The following BABAM2 variants were observed in gnomAD, a reference collection of about 807,000 sequenced individuals.
BABAM2 encodes BRISC and BRCA1 A complex member 2.
BABAM2 carries 31 observed loss-of-function variants against 54.7 expected under a neutral mutation model. The ratio of observed to expected loss-of-function variants is 0.57; its 90% CI spans 0.43 to 0.77. The LOEUF is 0.77. BABAM2 is among the 30% of genes least tolerant of loss of function. The probability of loss-of-function intolerance (pLI) is 0.00; values close to 1 mark genes in which losing one functional copy is unlikely to be tolerated. For synonymous variants in BABAM2, 167 were observed against 162.9 expected, an observed-to-expected ratio of 1.03 and a Z score of -0.19; for missense variants, 364 against 455.8, an observed-to-expected ratio of 0.80 and a Z score of 1.83.
At chr2:28,313,782 AAC>A (rs1392808675) in intron 11 of BABAM2, among the ~76,000 whole-genome samples, 1 of 152,228 alleles carries the variant, frequency 6.6e-6, no homozygotes, top group Admixed American at 6.5e-5. Flanking sequence ...ACTGAAGACT[AAC>A]ACACACACAT....
intron 2 of BABAM2, among the ~76,000 whole-genome samples, chr2:27,908,155 G>T (rs1403383283): frequency 1.3e-5 from 2 of 152,184 alleles, no homozygotes; most frequent in Non-Finnish European, 2.9e-5. Context: ...GGATACATAT[G>T]CAAGTTTGTT....
chr2:28,220,999 G>A (rs759930251), intron 7 of BABAM2, among the ~76,000 whole-genome samples: 2 of 152,104 alleles, frequency 1.3e-5, no homozygotes, highest in Admixed American at 6.6e-5. Context: ...AGATGATCTC[G>A]TCGATTCCCA....
At chr2:28,248,397 C>T (rs997997815) in intron 10 of BABAM2, among the ~76,000 whole-genome samples, 16 of 151,550 alleles carry the variant, frequency 1.1e-4, no homozygotes, top group Middle Eastern at 3.4e-3. Flanking sequence ...TTAGTAGAAA[C>T]GGAGTTTCTC....
chr2:28,290,701 T>G (rs2148221268), intron 10 of BABAM2, among the ~76,000 whole-genome samples: 1 of 152,312 alleles, frequency 6.6e-6, no homozygotes, highest in South Asian at 2.1e-4. Context: ...TTGAGGTGCA[T>G]TTTCAGAAAT....
intron 7 of BABAM2, among the ~76,000 whole-genome samples, chr2:28,189,560 C>T (rs900578571): frequency 3.3e-5 from 5 of 151,982 alleles, no homozygotes; most frequent in Admixed American, 6.6e-5. Flanking sequence ...ATATGAAGTA[C>T]TCAGTTATAC....
intron 10 of BABAM2, among the ~76,000 whole-genome samples, chr2:28,283,980 G>A (rs996094303): frequency 2.0e-5 from 3 of 152,178 alleles, no homozygotes; most frequent in East Asian, 1.9e-4. Flanking sequence ...GCTTTTCTTC[G>A]GATTAACAAT....
intron 7 of BABAM2, among the ~76,000 whole-genome samples, chr2:28,141,527 C>T (rs1671056368): frequency 6.6e-6 from 1 of 152,126 alleles, no homozygotes. Context: ...TTCATGAAGA[C>T]CTCTCCTACT....
chr2:28,210,353 C>G (rs1480390849), intron 7 of BABAM2, among the ~76,000 whole-genome samples: 1 of 152,164 alleles, frequency 6.6e-6, no homozygotes, highest in African/African-American at 2.4e-5. Flanking sequence ...ATATGAAGTG[C>G]TAAATTATGC....
intron 6 of BABAM2, among the ~76,000 whole-genome samples, chr2:28,100,414 C>T (rs1182373626): frequency 2.2e-5 from 3 of 139,506 alleles, no homozygotes; most frequent in African/African-American, 5.5e-5. Flanking sequence ...GAGACGAGAC[C>T]GTGCCACTGC....
chr2:28,236,937 G>T (rs1477748382), intron 7 of BABAM2, among the ~76,000 whole-genome samples: 2 of 152,154 alleles, frequency 1.3e-5, no homozygotes, highest in East Asian at 3.8e-4. Context: ...ATTAATGTTG[G>T]TAAGACATTT....
chr2:27,903,972 CG>C (rs1273088781), intron 2 of BABAM2, among the ~76,000 whole-genome samples: 1 of 152,004 alleles, frequency 6.6e-6, no homozygotes, highest in Non-Finnish European at 1.5e-5. Flanking sequence ...TGTGCTTTCC[CG>C]AAGCACTTTA....
chr2:27,944,921 A>G (rs1377143479), intron 3 of BABAM2, among the ~76,000 whole-genome samples: 2 of 151,854 alleles, frequency 1.3e-5, no homozygotes, highest in East Asian at 3.9e-4. Context: ...TATTCTTGCC[A>G]GTATTGGTAT....
rs539333326 is a variant in BABAM2, at chr2:28,184,485, C to T, written c.681-52717C>T. 2.6e-3 allele frequency among the ~76,000 whole-genome samples: 337 copies of T among 131,952 alleles called. 6 individuals are homozygous for T. Among genetic ancestry groups the T allele is most frequent in the African/African-American group, 8.5e-3 (317 of 37,422 alleles). The allele number at this position is 131,952 out of a possible 152,430, so 86.6% of individuals were successfully genotyped here. A position where few individuals can be genotyped will look rare whatever the true frequency, so the allele number is the denominator to read the frequency against. ...TAATGCTATCCCTCCCCTCTCCCCC[C>T]ACCCCATGACAGGCCCCGGTATGTG... On this transcript the variant is annotated intron_variant, in intron 7 of 11. Coordinates refer to ENST00000379624, the MANE Select transcript of BABAM2 (RefSeq NM_199191.3).
chr2:27,945,314 C>T (rs1051487438), intron 3 of BABAM2, among the ~76,000 whole-genome samples: 1 of 152,082 alleles, frequency 6.6e-6, no homozygotes, highest in African/African-American at 2.4e-5. Context: ...CAGGCATGAG[C>T]TACCATGCCT....
At chr2:28,212,197 G>A (rs1272251581) in intron 7 of BABAM2, among the ~76,000 whole-genome samples, 2 of 152,006 alleles carry the variant, frequency 1.3e-5, no homozygotes, top group Non-Finnish European at 2.9e-5. Flanking sequence ...AATTATTTTG[G>A]CCATTTTTTA....
intron 3 of BABAM2, among the ~76,000 whole-genome samples, chr2:27,931,026 G>C (rs1020100906): frequency 1.3e-5 from 2 of 152,218 alleles, no homozygotes; most frequent in Non-Finnish European, 2.9e-5. Flanking sequence ...CCATGTCTCT[G>C]TATAGTATTT....
chr2:27,960,050 A>T (rs1323515477), intron 3 of BABAM2, among the ~76,000 whole-genome samples: 2 of 151,544 alleles, frequency 1.3e-5, no homozygotes, highest in East Asian at 3.9e-4. Flanking sequence ...TCCCCACTTC[A>T]TCTTCTGTGG....
chr2:27,950,843 G>T (rs1411860155), intron 3 of BABAM2, among the ~76,000 whole-genome samples: 1 of 152,064 alleles, frequency 6.6e-6, no homozygotes, highest in Non-Finnish European at 1.5e-5. Context: ...GATCTATTCA[G>T]ATTATCTACT....
intron 7 of BABAM2, among the ~76,000 whole-genome samples, chr2:28,209,826 G>A (rs1050570630): frequency 4.6e-5 from 7 of 152,012 alleles, no homozygotes; most frequent in Non-Finnish European, 1.0e-4. Context: ...GTTTTACCTG[G>A]GAGGGAGATT....
Sources: allele counts gnomAD v4.1 joint callset (sites outside exome capture counted in the v4.1 genomes callset), GRCh38; gene constraint gnomAD v4.1.1; transcripts MANE v1.5; gene names NCBI Gene and HGNC (gene_info 2026-07-23, HGNC 2026-07-21).